ZFAND3: variants seen among roughly 807,000 people sequenced by gnomAD.
The protein encoded by ZFAND3 is AN1-type zinc finger protein 3.
A neutral mutation model predicts 29.6 loss-of-function variants in ZFAND3; 10 were observed. The observed-to-expected ratio is 0.34, with a 90% CI of 0.21 to 0.57. The LOEUF (loss-of-function observed/expected upper bound fraction) is 0.57. Ranked by LOEUF, ZFAND3 falls within the 20% of genes least tolerant of loss-of-function variation. ZFAND3 has a pLI of 0.86. For synonymous variants in ZFAND3, 128 were observed against 112.6 expected (o/e 1.14, Z -0.87); for missense variants, 230 against 304.5 (o/e 0.76, Z 1.82).
intron 2 of ZFAND3, among the ~76,000 whole-genome samples, chr6:38,033,437 G>T (rs1372737514): frequency 1.3e-5 from 2 of 152,116 alleles, no homozygotes; most frequent in Non-Finnish European, 2.9e-5. Flanking sequence ...CTAGTTAATA[G>T]AACTTATATT....
At chr6:37,831,793 G>GTTAGCTGCAGTGTATGGCAGGAGGCAAGA (rs1296966863) in intron 1 of ZFAND3, among the ~76,000 whole-genome samples, 14 of 152,332 alleles carry the variant, frequency 9.2e-5, no homozygotes, top group African/African-American at 1.9e-4. Context: ...AAGTCCATAT[G>GTTAGCTGCAGTGTATGGCAGGAGGCAAGA]TTAGCTGCAG....
intron 1 of ZFAND3, among the ~76,000 whole-genome samples, chr6:37,882,955 A>T (rs1443636078): frequency 2.0e-5 from 3 of 152,142 alleles, no homozygotes; most frequent in Non-Finnish European, 4.4e-5. Flanking sequence ...GCATTGTCTC[A>T]TGCCTATAAT....
chr6:37,825,919 C>T (rs1763752134), intron 1 of ZFAND3, among the ~76,000 whole-genome samples: 1 of 152,040 alleles, frequency 6.6e-6, no homozygotes, highest in African/African-American at 2.4e-5. Flanking sequence ...TTTATTAGGT[C>T]ATAGGGAGGT....
At chr6:37,865,461 C>T (rs1022105498) in intron 1 of ZFAND3, among the ~76,000 whole-genome samples, 1 of 152,208 alleles carries the variant, frequency 6.6e-6, no homozygotes, top group Admixed American at 6.5e-5. Flanking sequence ...TAAAATATGG[C>T]ACACACAGAT....
At chr6:37,833,195 T>C (rs919252242) in intron 1 of ZFAND3, 2 of 152,244 alleles carry the variant, frequency 1.3e-5, no homozygotes, top group Non-Finnish European at 2.9e-5. Flanking sequence ...CATGCTACCA[T>C]TGTATCTTTT....
intron 2 of ZFAND3, among the ~76,000 whole-genome samples, chr6:37,989,681 G>C (rs943129309): frequency 6.6e-6 from 1 of 151,696 alleles, no homozygotes; most frequent in Non-Finnish European, 1.5e-5. Flanking sequence ...AGGCAGAGGT[G>C]ACACCAATTG....
In ZFAND3 at chr6:38,112,783, T is replaced by C. The variant is rs1004857515; in HGVS notation, c.362-3789T>C. 3.9e-5 allele frequency among the ~76,000 whole-genome samples: 6 copies of C among 152,206 alleles called. No homozygotes were observed. In the South Asian group the frequency reaches 6.2e-4, roughly 16 times the overall value. ...CTGCCCTGGACATCTGTTTCTCTTA[T>C]TTAAGCAACTCGCCCTGTGGCACAA... On this transcript the variant is annotated intron_variant, in intron 4 of 5. Coordinates refer to ENST00000287218, the MANE Select transcript of ZFAND3 (RefSeq NM_021943.3).
chr6:37,909,973 A>G (rs768829276), intron 1 of ZFAND3, among the ~76,000 whole-genome samples: 4 of 152,216 alleles, frequency 2.6e-5, no homozygotes, highest in Non-Finnish European at 5.9e-5. Flanking sequence ...AAGCAACTTG[A>G]ATGTTTAGTT....
At chr6:37,915,160 A>G (rs917769654) in intron 1 of ZFAND3, among the ~76,000 whole-genome samples, 3 of 152,138 alleles carry the variant, frequency 2.0e-5, no homozygotes, top group African/African-American at 4.8e-5. Context: ...AACCTCTGCT[A>G]TCTTCACACT....
chr6:38,073,743 C>G (rs189131496), intron 3 of ZFAND3, among the ~76,000 whole-genome samples: 20 of 152,270 alleles, frequency 1.3e-4, no homozygotes, highest in Non-Finnish European at 2.2e-4. Flanking sequence ...AGCATCTTAA[C>G]ATATGGAAAG....
chr6:37,833,824 CAAAA>C (rs55733520), intron 1 of ZFAND3, among the ~76,000 whole-genome samples: 7 of 68,010 alleles, frequency 1.0e-4, no homozygotes, highest in Admixed American at 1.7e-4. Context: ...GACACTGTCT[CAAAA>C]AAAAAAAAAA....
intron 1 of ZFAND3, among the ~76,000 whole-genome samples, chr6:37,891,646 A>G (rs1407948660): frequency 2.6e-5 from 4 of 152,206 alleles, no homozygotes; most frequent in Non-Finnish European, 5.9e-5. Flanking sequence ...AAACAAGGAA[A>G]TAGAAGACTT....
intron 2 of ZFAND3, among the ~76,000 whole-genome samples, chr6:37,998,206 G>T (rs1453900119): frequency 1.3e-5 from 2 of 152,166 alleles, no homozygotes; most frequent in South Asian, 2.1e-4. Context: ...ATTCAAAAAG[G>T]CTGCATTCTA....
At chr6:38,124,699 C>G (rs962265151) in intron 5 of ZFAND3, among the ~76,000 whole-genome samples, 3 of 152,328 alleles carry the variant, frequency 2.0e-5, no homozygotes, top group Middle Eastern at 3.4e-3. Flanking sequence ...CCGCACCTTT[C>G]CCTCCACACC....
chr6:37,950,053 CA>C (rs1488012764), intron 2 of ZFAND3, among the ~76,000 whole-genome samples: 4 of 152,174 alleles, frequency 2.6e-5, no homozygotes, highest in Non-Finnish European at 5.9e-5. Context: ...GCATAGTTGG[CA>C]AATATTTTCT....
chr6:37,941,054 A>G (rs756951673), intron 2 of ZFAND3, among the ~76,000 whole-genome samples: 14 of 152,234 alleles, frequency 9.2e-5, no homozygotes, highest in Admixed American at 2.6e-4. Flanking sequence ...CTTTAATACA[A>G]TATTATCACA....
At chr6:37,966,785 T>C in intron 2 of ZFAND3, among the ~76,000 whole-genome samples, 1 of 152,108 alleles carries the variant, frequency 6.6e-6, no homozygotes, top group East Asian at 1.9e-4. Context: ...AATCCTCAGG[T>C]TTAATAATAT....
chr6:38,145,902 A>T (rs755802238), intron 5 of ZFAND3, among the ~76,000 whole-genome samples: 1 of 152,216 alleles, frequency 6.6e-6, no homozygotes, highest in Non-Finnish European at 1.5e-5. Flanking sequence ...ATTCCGGGTG[A>T]GTGAGCTGAA....
At chr6:38,006,401 G>T (rs773538841) in intron 2 of ZFAND3, among the ~76,000 whole-genome samples, 36 of 152,082 alleles carry the variant, frequency 2.4e-4, no homozygotes, top group Non-Finnish European at 4.4e-4. Flanking sequence ...TGTGAAATTT[G>T]CCTAATTAAG....
Sources: gnomAD v4.1 joint callset for allele counts (sites outside exome capture counted in the v4.1 genomes callset) on GRCh38, gnomAD v4.1.1 for gene constraint, MANE v1.5 for transcripts, NCBI Gene and HGNC (gene_info 2026-07-23, HGNC 2026-07-21) for gene names.